IGSF10: variants seen among roughly 807,000 people sequenced by gnomAD.
IGSF10 encodes immunoglobulin superfamily member 10.
In IGSF10, 126 loss-of-function variants were observed where a neutral mutation model predicts 128.2. The observed-to-expected ratio is 0.98, with a 90% CI of 0.85 to 1.14. IGSF10 has a LOEUF of 1.14. Ranked by LOEUF, IGSF10 falls within the 50% of genes most tolerant of loss-of-function variation. The pLI is 0.00. For synonymous variants in IGSF10, 1,185 were observed against 1,146.2 expected (o/e 1.03, Z -0.68); for missense variants, 3,295 against 3,149.8 (o/e 1.05, Z -1.10).
chr3:151,440,638 C>T (rs1720795561), intron 7 of IGSF10: 1 of 456,572 alleles, frequency 2.2e-6, no homozygotes, highest in Admixed American at 2.3e-5. Context: ...GCATTCTTTC[C>T]TAATGCTTTC....
intron 7 of IGSF10, among the ~76,000 whole-genome samples, chr3:151,441,924 G>A (rs939499399): frequency 1.4e-4 from 21 of 152,166 alleles, no homozygotes; most frequent in Non-Finnish European, 2.9e-4. Context: ...AGTCGGATGT[G>A]GTGGCGGGTG....
At chr3:151,556,669 A>C in the IGSF10 span, among the ~76,000 whole-genome samples, 1 of 152,180 alleles carries the variant, frequency 6.6e-6, no homozygotes, top group African/African-American at 2.4e-5. Context: ...ACTGGAGAGT[A>C]AGAAGAATGC....
the IGSF10 span, among the ~76,000 whole-genome samples, chr3:151,567,301 T>G: frequency 6.6e-6 from 1 of 152,200 alleles, no homozygotes; most frequent in Admixed American, 6.5e-5. Context: ...AATATTCATT[T>G]TATTTGAGCC....
At chr3:151,449,800 C>T (rs1721424545) in intron 5 of IGSF10, among the ~76,000 whole-genome samples, 1 of 150,998 alleles carries the variant, frequency 6.6e-6, no homozygotes, top group Non-Finnish European at 1.5e-5. Flanking sequence ...GGTACCTTGA[C>T]CTGGTCTAGC....
the IGSF10 span, among the ~76,000 whole-genome samples, chr3:151,479,089 T>A: frequency 5.3e-5 from 8 of 152,192 alleles, no homozygotes; most frequent in Non-Finnish European, 7.4e-5. Flanking sequence ...AGCAGCAAGA[T>A]ATTTTCAAAT....
chr3:151,560,587 T>C, the IGSF10 span, among the ~76,000 whole-genome samples: 1 of 152,150 alleles, frequency 6.6e-6, no homozygotes, highest in East Asian at 1.9e-4. Context: ...GCAAGATGAA[T>C]TAGAGCCAAT....
the IGSF10 span, among the ~76,000 whole-genome samples, chr3:151,466,659 G>T: frequency 6.6e-6 from 1 of 152,082 alleles, no homozygotes; most frequent in African/African-American, 2.4e-5. Flanking sequence ...GCTCATTGCA[G>T]CCTCCACCTC....
At chr3:151,589,431 T>G in the IGSF10 span, among the ~76,000 whole-genome samples, 1 of 152,158 alleles carries the variant, frequency 6.6e-6, no homozygotes, top group Non-Finnish European at 1.5e-5. Flanking sequence ...GCAACATTAG[T>G]GTATTTCACC....
chr3:151,450,696 A>G (rs949809736), intron 5 of IGSF10, among the ~76,000 whole-genome samples: 1 of 152,038 alleles, frequency 6.6e-6, no homozygotes, highest in Non-Finnish European at 1.5e-5. Context: ...TGGAAGTTTG[A>G]GACCAGTCTG....
rs781780759 is a variant in IGSF10 at position 151,453,702 on chromosome 3, G to A, written c.397C>T (p.Arg133Ter). 11 of 1,610,200 alleles carry A rather than the reference G, an allele frequency of 6.8e-6. No individual in the cohort carries two copies. The highest frequency in any genetic ancestry group is 2.2e-5 in the East Asian group (1 of 44,846). Residue 133 changes from arginine to a stop codon, truncating the protein, a stop_gained, in exon 5 of 8, where the codon CGA (arginine) becomes TGA (stop). Coordinates refer to ENST00000282466, the MANE Select transcript of IGSF10 (RefSeq NM_178822.5). LOFTEE classifies it high-confidence loss of function. ...ATATTGTTGTGGTCCATGTGCAATC[G>A]TGTCAAGCTCCTGAGGCCATAAAAA... The part of the protein sequence containing the change: ...DTFYGLRSLT[R>*]LHMDHNNIEF...
the IGSF10 span, among the ~76,000 whole-genome samples, chr3:151,527,784 T>A: frequency 2.5e-3 from 333 of 134,342 alleles, 8 homozygotes; most frequent in South Asian, 0.072. Flanking sequence ...ACCCTGTCTC[T>A]ACAATTTTTT....
the IGSF10 span, among the ~76,000 whole-genome samples, chr3:151,507,365 T>A: frequency 6.6e-6 from 1 of 152,206 alleles, no homozygotes; most frequent in Non-Finnish European, 1.5e-5. Context: ...TTCAAAATTC[T>A]TTCCAGTAAT....
At chr3:151,550,132 T>G in the IGSF10 span, among the ~76,000 whole-genome samples, 12 of 152,158 alleles carry the variant, frequency 7.9e-5, no homozygotes. Flanking sequence ...CATTAATAAT[T>G]TGTCTTATAT....
the IGSF10 span, among the ~76,000 whole-genome samples, chr3:151,549,180 G>A: frequency 6.6e-6 from 1 of 152,132 alleles, no homozygotes; most frequent in Non-Finnish European, 1.5e-5. Context: ...AGGAGTAGTT[G>A]GTTGGTGGCT....
At chr3:151,594,331 C>CT in the IGSF10 span, among the ~76,000 whole-genome samples, 4,033 of 121,454 alleles carry the variant, frequency 0.033, 116 homozygotes, top group Middle Eastern at 0.088. Context: ...ATAAAAACTG[C>CT]TTTTTTTTTT....
the IGSF10 span, among the ~76,000 whole-genome samples, chr3:151,528,325 C>T: frequency 3.3e-5 from 5 of 152,036 alleles, no homozygotes; most frequent in South Asian, 6.2e-4. Flanking sequence ...TTTCGAGGGG[C>T]CTAAAGCTCA....
Position 151,447,321 on chromosome 3 carries a change from T to C in IGSF10, c.2660A>G (p.Asn887Ser). 6.2e-7 allele frequency: 1 copy of C among 1,614,236 alleles called. No homozygotes were observed. The highest frequency in any genetic ancestry group is 2.2e-5 in the East Asian group (1 of 44,888). The change falls in exon 6 of 8, where the codon AAT (asparagine) becomes AGT (serine). Residue 887 changes from asparagine (N) to serine (S), a missense_variant. Physicochemically the swap from Asn to Ser is conservative, Grantham distance 46. Transcript: ENST00000282466. Reference protein sequence around the residue: ...TMSSQIQGTTNQHSSTVFPLL... With the variant: ...TMSSQIQGTTSQHSSTVFPLL... ...TGGAAAGACAGTGGATGAATGTTGA[T>C]TGGTTGTGCCTTGTATTTGGCTTGA... is the stretch of plus-strand genomic sequence containing the variant.
At chr3:151,571,358 T>A in the IGSF10 span, among the ~76,000 whole-genome samples, 8 of 151,978 alleles carry the variant, frequency 5.3e-5, no homozygotes, top group East Asian at 1.5e-3. Flanking sequence ...TCCATAAGCA[T>A]GGAATGTTCT....
At chr3:151,578,960 C>T in the IGSF10 span, among the ~76,000 whole-genome samples, 12 of 152,230 alleles carry the variant, frequency 7.9e-5, no homozygotes, top group South Asian at 2.1e-4. Context: ...ACTACTACCA[C>T]GCTAGCTAGC....
Sources: gnomAD v4.1 joint callset for allele counts (sites outside exome capture counted in the v4.1 genomes callset) on GRCh38, gnomAD v4.1.1 for gene constraint, MANE v1.5 for transcripts, NCBI Gene and HGNC (gene_info 2026-07-23, HGNC 2026-07-21) for gene names.